The following SEL1L3 variants were observed in gnomAD, a reference collection of about 807,000 sequenced individuals.
SEL1L3 encodes protein sel-1 homolog 3.
SEL1L3 carries 76 observed loss-of-function variants against 142.8 expected under a neutral mutation model. That is an observed-to-expected ratio of 0.53 (90% confidence interval 0.44 to 0.64). The LOEUF is 0.64. Ranked by LOEUF, SEL1L3 falls within the 30% of genes least tolerant of loss-of-function variation. The pLI is 0.00. For missense variants in SEL1L3, 1,262 were observed against 1,381.7 expected (o/e 0.91, Z 1.37); for synonymous variants, 504 against 519.6 (o/e 0.97, Z 0.41).
chr4:25,834,932 T>G (rs146447380), intron 3 of SEL1L3, among the ~76,000 whole-genome samples: 52 of 152,354 alleles, frequency 3.4e-4, no homozygotes, highest in African/African-American at 1.3e-3. Flanking sequence ...TTGCAGGGCC[T>G]CAGGCTTCAA....
the SEL1L3 span, among the ~76,000 whole-genome samples, chr4:25,724,941 T>C: frequency 1.3e-5 from 2 of 152,096 alleles, no homozygotes; most frequent in South Asian, 4.2e-4. Flanking sequence ...TCCCCACCAG[T>C]GGCCCTCAAA....
chr4:25,729,284 C>T, the SEL1L3 span, among the ~76,000 whole-genome samples: 2 of 152,154 alleles, frequency 1.3e-5, no homozygotes, highest in African/African-American at 4.8e-5. Flanking sequence ...GACATATAGA[C>T]CTAATTTTAC....
chr4:25,725,511 T>G, the SEL1L3 span, among the ~76,000 whole-genome samples: 2 of 152,148 alleles, frequency 1.3e-5, no homozygotes, highest in Non-Finnish European at 2.9e-5. Context: ...AGACGATGTT[T>G]CACCATGTTG....
intron 14 of SEL1L3, among the ~76,000 whole-genome samples, chr4:25,783,528 G>A (rs1049965268): frequency 1.3e-5 from 2 of 152,218 alleles, no homozygotes; most frequent in African/African-American, 2.4e-5. Context: ...GTAGATTTAC[G>A]GTAGTTTCTG....
chr4:25,761,447 C>T lies in SEL1L3; in HGVS notation c.2956-2379G>A, dbSNP rs184018226. Among the ~76,000 whole-genome samples, 472 of 152,206 alleles carry T rather than the reference C, an allele frequency of 3.1e-3. 4 individuals are homozygous for T. The highest frequency in any genetic ancestry group is 0.011 in the African/African-American group (443 of 41,522). ...CTGGCACTACAGGGTTGAGCCACCG[C>T]GCCCAGCCAGCTTTATGAAATTTTA... On this transcript the variant is annotated intron_variant, in intron 20 of 23. Coordinates refer to ENST00000399878, the MANE Select transcript of SEL1L3 (RefSeq NM_015187.5).
chr4:25,858,828 C>T (rs1005466452), intron 1 of SEL1L3, among the ~76,000 whole-genome samples: 10 of 152,180 alleles, frequency 6.6e-5, no homozygotes, highest in African/African-American at 2.2e-4. Context: ...TCGTGATCCG[C>T]CTGCTTCGGC....
chr4:25,854,839 A>AT (rs1717132257), intron 1 of SEL1L3, among the ~76,000 whole-genome samples: 1 of 152,244 alleles, frequency 6.6e-6, no homozygotes, highest in African/African-American at 2.4e-5. Context: ...AAGAGATCAA[A>AT]TTTTAAGGAC....
chr4:25,736,971 C>CTTTTTTTTTT, the SEL1L3 span, among the ~76,000 whole-genome samples: 5 of 149,438 alleles, frequency 3.3e-5, no homozygotes, highest in Non-Finnish European at 3.0e-5. Flanking sequence ...ATATGCTACT[C>CTTTTTTTTTT]TTTTTTTTTC....
chr4:25,847,777 TAA>T lies in SEL1L3; in HGVS notation c.248_249del (p.Phe83TyrfsTer7), dbSNP rs1716630891. On this transcript the variant is annotated frameshift_variant, in exon 2 of 24. Transcript: ENST00000399878. LOFTEE classifies it high-confidence loss of function. ...TTTCCTTCAAAGACAGTAAAATAAA[TAA>T]AGTCTTTGTAAGCCACGCTCTGCTC... ...KAEQSVAYKD[F>X]IYFTVFEGNV... The T allele has an allele frequency of 6.2e-7, 1 of 1,613,482 alleles. No individual in the cohort carries two copies. Among genetic ancestry groups the T allele is most frequent in the Non-Finnish European group, 8.5e-7 (1 of 1,179,734 alleles).
At chr4:25,768,197 CCT>C (rs752851609) in intron 17 of SEL1L3, among the ~76,000 whole-genome samples, 2 of 152,102 alleles carry the variant, frequency 1.3e-5, no homozygotes, top group Non-Finnish European at 2.9e-5. Flanking sequence ...GCTTTGGAGT[CCT>C]CTGTTTTATA....
At chr4:25,726,026 G>A in the SEL1L3 span, among the ~76,000 whole-genome samples, 1 of 151,998 alleles carries the variant, frequency 6.6e-6, no homozygotes, top group African/African-American at 2.4e-5. Flanking sequence ...ACATCCTACG[G>A]ATGCAGCCCA....
the SEL1L3 span, among the ~76,000 whole-genome samples, chr4:25,714,577 CTT>C: frequency 2.0e-5 from 2 of 100,546 alleles, no homozygotes; most frequent in Admixed American, 1.1e-4. Context: ...CCTTCTTTTT[CTT>C]TTTTTTTTTT....
At chr4:25,755,422 A>G (rs896112432) in intron 23 of SEL1L3, among the ~76,000 whole-genome samples, 4 of 151,978 alleles carry the variant, frequency 2.6e-5, no homozygotes, top group African/African-American at 4.8e-5. Context: ...TTATTTCTTT[A>G]TTTGGGCAAG....
downstream of SEL1L3, among the ~76,000 whole-genome samples, chr4:25,745,475 A>G (rs969543560): frequency 6.6e-6 from 1 of 152,006 alleles, no homozygotes; most frequent in African/African-American, 2.4e-5. Flanking sequence ...ACCAACGTAG[A>G]GTTTTGGAGC....
At chr4:25,727,976 TG>T in the SEL1L3 span, among the ~76,000 whole-genome samples, 5 of 152,210 alleles carry the variant, frequency 3.3e-5, no homozygotes, top group South Asian at 1.0e-3. Flanking sequence ...GGAGGTGACA[TG>T]AAATATGAAC....
chr4:25,853,316 T>C (rs1717024290), intron 1 of SEL1L3, among the ~76,000 whole-genome samples: 1 of 152,214 alleles, frequency 6.6e-6, no homozygotes, highest in African/African-American at 2.4e-5. Flanking sequence ...TCCCTTCAAA[T>C]TCTGTTTCAA....
At position 25,847,450 on chromosome 4, in the gene SEL1L3, T is replaced by C. The variant is rs1409135157; in HGVS notation, c.577A>G (p.Asn193Asp). ...TTCTTTGCTACAGCATGGAGCAAGT[T>C]TTCCTCCCATTTAACATTCCAGTCT... Reference protein sequence around the residue: ...GRDWNVKWEENLLHAVAKNYT... With the variant: ...GRDWNVKWEEDLLHAVAKNYT... Residue 193 changes from asparagine (N) to aspartate (D), a missense_variant, in exon 2 of 24, where the codon AAC becomes GAC. By Grantham distance (23) the Asn-to-Asp change is conservative. This residue lies in a region of SEL1L3 where 689 missense variants were observed against 692.8 expected (regional missense o/e 0.99). Coordinates refer to ENST00000399878, the MANE Select transcript of SEL1L3 (RefSeq NM_015187.5). The C allele has an allele frequency of 6.2e-7, 1 of 1,614,004 alleles. No homozygotes were observed. The highest frequency in any genetic ancestry group is 1.7e-5 in the Admixed American group (1 of 60,016).
chr4:25,801,017 G>T (rs910437587), intron 11 of SEL1L3, among the ~76,000 whole-genome samples: 1 of 152,228 alleles, frequency 6.6e-6, no homozygotes, highest in East Asian at 1.9e-4. Flanking sequence ...CCAGGGGTCT[G>T]GTTCCCAGTC....
intron 23 of SEL1L3, 125 bp from the exon 24 acceptor site, chr4:25,748,689 T>C (rs1717401095): frequency 1.1e-6 from 1 of 911,166 alleles, no homozygotes; most frequent in African/African-American, 1.7e-5. Context: ...TGACACTAAC[T>C]AGCCAGGCAA....
Sources: gnomAD v4.1 joint callset for allele counts (sites outside exome capture counted in the v4.1 genomes callset) on GRCh38, gnomAD v4.1.1 for gene constraint, gnomAD v4.1.1 regional missense constraint, MANE v1.5 for transcripts, NCBI Gene and HGNC (gene_info 2026-07-23, HGNC 2026-07-21) for gene names.